SLC22A23: variants seen among roughly 807,000 people sequenced by gnomAD.
The protein encoded by SLC22A23 is ion transporter protein.
In SLC22A23, 26 loss-of-function variants were observed where a neutral mutation model predicts 61.0. The ratio of observed to expected loss-of-function variants is 0.43; its 90% CI spans 0.31 to 0.59. SLC22A23 has a LOEUF of 0.59. SLC22A23 is among the 20% of genes least tolerant of loss of function. The pLI, the probability that SLC22A23 is intolerant of heterozygous loss-of-function variation, is 0.11. For synonymous variants in SLC22A23, 430 were observed against 413.9 expected (o/e 1.04, Z -0.47); for missense variants, 796 against 934.7 (o/e 0.85, Z 1.94).
Position 3,328,658 on chromosome 6 carries a change from G to A in SLC22A23, c.914-4656C>T, listed in dbSNP as rs552721512. Among the ~76,000 whole-genome samples the A allele has an allele frequency of 5.3e-5, 8 of 152,184 alleles. No homozygotes were observed. Among genetic ancestry groups the A allele is most frequent in the Admixed American group, 2.6e-4 (4 of 15,288 alleles). On this transcript the variant is annotated intron_variant, in intron 3 of 9. Coordinates refer to ENST00000406686, the MANE Select transcript of SLC22A23 (RefSeq NM_015482.2). The surrounding 1 kb of genome is among the most constrained non-coding windows in gnomAD (Gnocchi z 5.0). ...GAGGAAGAAGATTCCACCTGTGGAC[G>A]GCAGTGCCCGCCCCCATGCCCTGGA...
chr6:3,281,636 T>C (rs1319492438), intron 9 of SLC22A23, among the ~76,000 whole-genome samples: 1 of 152,100 alleles, frequency 6.6e-6, no homozygotes, highest in East Asian at 1.9e-4. Context: ...TGGCTTATCT[T>C]GGAATTTTCT....
chr6:3,411,848 A>G (rs950031342), intron 2 of SLC22A23, among the ~76,000 whole-genome samples: 1 of 152,246 alleles, frequency 6.6e-6, no homozygotes, highest in South Asian at 2.1e-4. Context: ...TCCCTTGTCC[A>G]GTGCTGGGAT....
chr6:3,350,588 G>A (rs1764711011), intron 3 of SLC22A23, among the ~76,000 whole-genome samples: 1 of 152,224 alleles, frequency 6.6e-6, no homozygotes, highest in Non-Finnish European at 1.5e-5. Context: ...GAATATTCAT[G>A]TTCTGGCCCT....
At position 3,456,514 on chromosome 6, in the gene SLC22A23, G is replaced by A; in HGVS notation, c.46C>T (p.Arg16Trp). Residue 16 changes from arginine (R) to tryptophan (W), a missense_variant, in exon 1 of 10, where the codon CGG becomes TGG. By Grantham distance (101) the Arg-to-Trp change is moderately radical. Coordinates refer to ENST00000406686, the MANE Select transcript of SLC22A23 (RefSeq NM_015482.2). The surrounding 1 kb of genome is among the most constrained non-coding windows in gnomAD (Gnocchi z 7.1). ...RREAAGGGPG[R>W]QPAPAEENGS... The stretch of plus-strand genomic sequence containing the variant: ...TTCTCCTCGGCCGGGGCCGGCTGCC[G>A]CCCAGGCCCGCCGCCCGCCGCCTCG... 1 of 997,440 alleles carries A rather than the reference G, an allele frequency of 1.0e-6. No individual in the cohort carries two copies. The highest frequency in any genetic ancestry group is 1.2e-6 in the Non-Finnish European group (1 of 839,912). The allele number at this position is 997,440 out of a possible 1,614,324, so 61.8% of individuals were successfully genotyped here.
chr6:3,302,807 A>G (rs1041298861), intron 4 of SLC22A23: 1 of 152,150 alleles, frequency 6.6e-6, no homozygotes, highest in Non-Finnish European at 1.5e-5. Flanking sequence ...ACTTGGTATG[A>G]TTTTGATTTT....
Position 3,446,535 on chromosome 6 carries a change from G to A in SLC22A23, c.654+9371C>T, listed in dbSNP as rs78246906. ...GTTGAGTAGGAGGGCCAGAGAAAAT[G>A]GCAGAACACGCCAAAGGCCCCGAGT... On this transcript the variant is annotated intron_variant, in intron 1 of 9. Coordinates refer to ENST00000406686, the MANE Select transcript of SLC22A23 (RefSeq NM_015482.2). Among the ~76,000 whole-genome samples, 1,105 of 152,312 alleles carry A rather than the reference G, an allele frequency of 7.3e-3. 59 individuals carry two copies. In the East Asian group the frequency reaches 0.15, roughly 21 times the overall value.
At chr6:3,408,394 G>A (rs1768971868) in intron 3 of SLC22A23, among the ~76,000 whole-genome samples, 1 of 152,226 alleles carries the variant, frequency 6.6e-6, no homozygotes, top group African/African-American at 2.4e-5. Context: ...GTGCAAGTCA[G>A]TAAAACAATT....
chr6:3,280,347 G>C (rs180702232), intron 9 of SLC22A23, among the ~76,000 whole-genome samples: 5 of 152,088 alleles, frequency 3.3e-5, no homozygotes, highest in African/African-American at 9.7e-5. Flanking sequence ...CCCAGGCTCC[G>C]GGCCATATCA....
chr6:3,314,466 G>A (rs77870788), intron 4 of SLC22A23, among the ~76,000 whole-genome samples: 3,661 of 152,290 alleles, frequency 0.024, 162 homozygotes, highest in African/African-American at 0.083. Flanking sequence ...TTCCTCATCT[G>A]CACTGGAGGC....
chr6:3,274,242 G>C (rs373739355), intron 9 of SLC22A23, among the ~76,000 whole-genome samples: 2 of 152,328 alleles, frequency 1.3e-5, no homozygotes, highest in East Asian at 3.9e-4. Context: ...TGGGACAAAG[G>C]TGTTCTGTGG....
Position 3,304,566 on chromosome 6 carries a change from TGAAATG to T in SLC22A23, c.1083-6354_1083-6349del. Among the ~76,000 whole-genome samples the T allele has an allele frequency of 6.6e-6, 1 of 152,344 alleles. No homozygotes were observed. The highest frequency in any genetic ancestry group is 1.5e-5 in the Non-Finnish European group (1 of 68,020). On this transcript the variant is annotated intron_variant, in intron 4 of 9. Transcript: ENST00000406686. This position sits in a 1 kb window ranked among gnomAD's most constrained non-coding sequence, Gnocchi z 4.3. ...TGAGCATTGTCACTACAAATCCATC[TGAAATG>T]GATTTGTCACTACTCACTCAAATCC...
chr6:3,384,018 C>T (rs913961123), intron 3 of SLC22A23, among the ~76,000 whole-genome samples: 6 of 152,148 alleles, frequency 3.9e-5, no homozygotes, highest in Admixed American at 1.3e-4. Context: ...TGCCAGCTCC[C>T]GGATGTCCGC....
intron 3 of SLC22A23, among the ~76,000 whole-genome samples, chr6:3,349,527 T>C (rs1764641728): frequency 6.6e-6 from 1 of 152,166 alleles, no homozygotes; most frequent in South Asian, 2.1e-4. Context: ...TACCAAAATA[T>C]ACCTTCCTTC....
intron 9 of SLC22A23, among the ~76,000 whole-genome samples, chr6:3,282,805 C>T (rs1022485420): frequency 6.6e-6 from 1 of 152,142 alleles, no homozygotes; most frequent in Admixed American, 6.5e-5. Context: ...TTAGTGGAGG[C>T]GTGCCTTTTT....
chr6:3,415,132 T>C (rs1308906102), intron 2 of SLC22A23, among the ~76,000 whole-genome samples: 2 of 152,234 alleles, frequency 1.3e-5, no homozygotes, highest in Admixed American at 6.5e-5. Context: ...CACGGTAATC[T>C]TTCAGCTGCT....
At chr6:3,375,855 T>C (rs560428641) in intron 3 of SLC22A23, among the ~76,000 whole-genome samples, 1 of 152,252 alleles carries the variant, frequency 6.6e-6, no homozygotes, top group Non-Finnish European at 1.5e-5. Context: ...CTATTCTTAT[T>C]AAAATATTCC....
chr6:3,282,271 T>G (rs1486913183), intron 9 of SLC22A23: 3 of 702,510 alleles, frequency 4.3e-6, no homozygotes, highest in East Asian at 2.7e-5. Context: ...TGAGGTATCC[T>G]GCAACTGCAA....
chr6:3,305,252 A>G (rs2127369121), intron 4 of SLC22A23, among the ~76,000 whole-genome samples: 1 of 152,374 alleles, frequency 6.6e-6, no homozygotes, highest in Non-Finnish European at 1.5e-5. Context: ...ATTTAATGGC[A>G]GAGCTGGGAT....
chr6:3,274,164 G>C (rs1006825309), intron 9 of SLC22A23, among the ~76,000 whole-genome samples: 1 of 152,212 alleles, frequency 6.6e-6, no homozygotes, highest in Non-Finnish European at 1.5e-5. Flanking sequence ...CCAGGGATTA[G>C]TAGATACGCA....
Sources: allele counts gnomAD v4.1 joint callset (sites outside exome capture counted in the v4.1 genomes callset), GRCh38; gene constraint gnomAD v4.1.1; non-coding constraint Gnocchi (gnomAD v3.1); transcripts MANE v1.5; gene names NCBI Gene and HGNC (gene_info 2026-07-23, HGNC 2026-07-21).